Variants in C12orf42 observed in about 807,000 individuals in gnomAD.
The protein encoded by C12orf42 is chromosome 12 open reading frame 42, also known as uncharacterized protein C12orf42.
C12orf42 carries 25 observed loss-of-function variants against 21.6 expected under a neutral mutation model. The ratio of observed to expected loss-of-function variants is 1.16; its 90% CI spans 0.84 to 1.62. The LOEUF (loss-of-function observed/expected upper bound fraction) is 1.62, where lower values mean the gene tolerates loss of function less well. Ranked by LOEUF, C12orf42 falls within the 40% of genes most tolerant of loss-of-function variation. The pLI is 0.00. For missense variants in C12orf42, 483 were observed against 459.3 expected (o/e 1.05, Z -0.47); for synonymous variants, 174 against 175.0 (o/e 0.99, Z 0.05).
At chr12:103,210,629 C>T in the C12orf42 span, among the ~76,000 whole-genome samples, 1 of 105,128 alleles carries the variant, frequency 9.5e-6, no homozygotes, top group Non-Finnish European at 2.3e-5. Context: ...TGGTGTAACA[C>T]CCTCTATTTC....
At chr12:103,330,412 G>A (rs922124114) in intron 4 of C12orf42, among the ~76,000 whole-genome samples, 40 of 152,226 alleles carry the variant, frequency 2.6e-4, no homozygotes, top group African/African-American at 8.4e-4. Context: ...CGGTACATAC[G>A]GAATTCTAAC....
chr12:103,339,418 T>C (rs957676237), intron 4 of C12orf42, among the ~76,000 whole-genome samples: 11 of 152,240 alleles, frequency 7.2e-5, no homozygotes, highest in Non-Finnish European at 1.0e-4. Flanking sequence ...CCATGTATTC[T>C]CATCATTTAA....
At chr12:103,102,668 T>C in the C12orf42 span, among the ~76,000 whole-genome samples, 16,294 of 152,254 alleles carry the variant, frequency 0.11, 1,404 homozygotes, top group East Asian at 0.48. Flanking sequence ...TGGACAGGCT[T>C]GTCTATTGCA....
At chr12:103,467,110 G>A (rs968848116) in intron 2 of C12orf42, among the ~76,000 whole-genome samples, 28 of 152,096 alleles carry the variant, frequency 1.8e-4, no homozygotes, top group African/African-American at 4.3e-4. Context: ...AATATTTACC[G>A]CTGTAAATTG....
upstream of C12orf42, among the ~76,000 whole-genome samples, chr12:103,497,741 G>T (rs187881100): frequency 7.8e-4 from 119 of 152,252 alleles, no homozygotes; most frequent in African/African-American, 2.6e-3. Flanking sequence ...GATTTTAAAA[G>T]AAAGAAAAGG....
intron 5 of C12orf42, among the ~76,000 whole-genome samples, chr12:103,275,740 ATTTT>A (rs202030025): frequency 7.2e-6 from 1 of 139,744 alleles, no homozygotes; most frequent in Non-Finnish European, 1.6e-5. Context: ...ATCAAGTAGG[ATTTT>A]TTTTTTTTTT....
At chr12:103,341,225 A>G (rs1210447159) in intron 4 of C12orf42, among the ~76,000 whole-genome samples, 1 of 152,088 alleles carries the variant, frequency 6.6e-6, no homozygotes, top group African/African-American at 2.4e-5. Flanking sequence ...ATGGTGGCAC[A>G]TGCCTGTAAG....
intron 3 of C12orf42, among the ~76,000 whole-genome samples, chr12:103,399,661 AATTATTTATC>A (rs2047829902): frequency 2.6e-5 from 4 of 152,098 alleles, no homozygotes; most frequent in Admixed American, 2.6e-4. Context: ...TATTTATCTG[AATTATTTATC>A]TGATAATTTC....
chr12:103,424,927 G>A (rs184796990), intron 2 of C12orf42, among the ~76,000 whole-genome samples: 1 of 152,312 alleles, frequency 6.6e-6, no homozygotes, highest in African/African-American at 2.4e-5. Context: ...AGCAAGCTAA[G>A]ATCCACTGGT....
intron 3 of C12orf42, among the ~76,000 whole-genome samples, chr12:103,395,617 G>A (rs1280048365): frequency 2.0e-5 from 3 of 152,162 alleles, no homozygotes. Context: ...TTACAGGCGT[G>A]AGCCACCACG....
chr12:103,498,213 A>C (rs1729094754), upstream of C12orf42, among the ~76,000 whole-genome samples: 1 of 152,270 alleles, frequency 6.6e-6, no homozygotes, highest in Admixed American at 6.5e-5. Context: ...ATGACAAAGT[A>C]TCATGAAGTA....
chr12:103,460,932 G>A (rs1276486271), intron 2 of C12orf42, among the ~76,000 whole-genome samples: 1 of 152,090 alleles, frequency 6.6e-6, no homozygotes, highest in African/African-American at 2.4e-5. Flanking sequence ...GTTAGGAAGC[G>A]ACTATCCATG....
intron 4 of C12orf42, among the ~76,000 whole-genome samples, chr12:103,278,295 CT>C (rs1566013629): frequency 6.6e-6 from 1 of 152,090 alleles, no homozygotes; most frequent in Admixed American, 6.5e-5. Flanking sequence ...TCAAAAGATG[CT>C]TTTAGAAATC....
chr12:103,132,385 A>T, the C12orf42 span, among the ~76,000 whole-genome samples: 1 of 152,286 alleles, frequency 6.6e-6, no homozygotes, highest in Admixed American at 6.5e-5. Context: ...TCAGTGGTCC[A>T]TATTCCCACC....
chr12:103,448,447 C>A (rs753094145), intron 2 of C12orf42, among the ~76,000 whole-genome samples: 1 of 151,184 alleles, frequency 6.6e-6, no homozygotes, highest in Non-Finnish European at 1.5e-5. Context: ...ATACATGGGG[C>A]TTAAACTAAA....
intron 2 of C12orf42, among the ~76,000 whole-genome samples, chr12:103,454,642 C>T (rs1952168751): frequency 6.6e-6 from 1 of 152,148 alleles, no homozygotes; most frequent in South Asian, 2.1e-4. Context: ...AATTCTATCC[C>T]TAGCCCATTG....
chr12:103,118,478 T>A, the C12orf42 span, among the ~76,000 whole-genome samples: 1 of 152,194 alleles, frequency 6.6e-6, no homozygotes, highest in East Asian at 1.9e-4. Context: ...AAGTATTATA[T>A]CTCTTTAAGC....
At chr12:103,479,945 T>A (rs962796468) in intron 1 of C12orf42, among the ~76,000 whole-genome samples, 1 of 151,996 alleles carries the variant, frequency 6.6e-6, no homozygotes, top group Non-Finnish European at 1.5e-5. Context: ...GTCAAAGTTA[T>A]GCTAGCTGCA....
chr12:103,204,235 A>T, the C12orf42 span, among the ~76,000 whole-genome samples: 1 of 152,214 alleles, frequency 6.6e-6, no homozygotes, highest in African/African-American at 2.4e-5. Context: ...TAAGTGACAT[A>T]GTTCTTAAAA....
Sources: allele counts gnomAD v4.1 joint callset (sites outside exome capture counted in the v4.1 genomes callset), GRCh38; gene constraint gnomAD v4.1.1; transcripts MANE v1.5; gene names NCBI Gene and HGNC (gene_info 2026-07-23, HGNC 2026-07-21).